The following NRG1 variants were observed in gnomAD, a reference collection of about 807,000 sequenced individuals.
The protein encoded by NRG1 is neuregulin 1, also known as pro-neuregulin-1, membrane-bound isoform.
A neutral mutation model predicts 63.8 loss-of-function variants in NRG1; 18 were observed. The observed-to-expected ratio is 0.28, with a 90% CI of 0.19 to 0.42. NRG1 has a LOEUF of 0.42. NRG1 is among the 10% of genes least tolerant of loss of function. The pLI, the probability that NRG1 is intolerant of heterozygous loss-of-function variation, is 1.00. For missense variants in NRG1, 762 were observed against 814.7 expected (o/e 0.94, Z 0.79); for synonymous variants, 302 against 301.3 (o/e 1.00, Z -0.02).
At chr8:32,433,417 G>A (rs116647097) in intron 1 of NRG1, among the ~76,000 whole-genome samples, 228 of 152,184 alleles carry the variant, frequency 1.5e-3, no homozygotes, top group African/African-American at 4.8e-3. Context: ...ATTAGAAACC[G>A]AGCTAATTGT....
At chr8:31,934,928 A>G (rs1370448544) in intron 1 of NRG1, among the ~76,000 whole-genome samples, 2 of 152,110 alleles carry the variant, frequency 1.3e-5, no homozygotes, top group African/African-American at 4.8e-5. Context: ...TATCTTGACA[A>G]GGTAGCACAG....
intron 1 of NRG1, among the ~76,000 whole-genome samples, chr8:32,504,092 T>C (rs1465025525): frequency 6.6e-6 from 1 of 152,208 alleles, no homozygotes; most frequent in Non-Finnish European, 1.5e-5. Context: ...ATTTTGCCTT[T>C]TAGTGCCATG....
At chr8:32,526,736 C>A (rs139765867) in intron 1 of NRG1, among the ~76,000 whole-genome samples, 49 of 152,302 alleles carry the variant, frequency 3.2e-4, no homozygotes, top group African/African-American at 1.1e-3. Context: ...AACAAACAAC[C>A]AGTAGCAACT....
At chr8:32,429,153 G>A (rs767265621) in intron 1 of NRG1, among the ~76,000 whole-genome samples, 17 of 151,922 alleles carry the variant, frequency 1.1e-4, no homozygotes, top group Non-Finnish European at 1.8e-4. Flanking sequence ...TCAACTAAAC[G>A]AACAGGCTGT....
intron 1 of NRG1, among the ~76,000 whole-genome samples, chr8:32,077,067 C>T (rs1826677300): frequency 6.6e-6 from 1 of 152,016 alleles, no homozygotes; most frequent in Admixed American, 6.6e-5. Flanking sequence ...AACACTCTCT[C>T]TTTTAAAAAA....
intron 5 of NRG1, among the ~76,000 whole-genome samples, chr8:32,682,714 T>A (rs1265404046): frequency 6.6e-6 from 1 of 152,172 alleles, no homozygotes; most frequent in Non-Finnish European, 1.5e-5. Context: ...ATGGTAAGGC[T>A]TCTAGAAATG....
At chr8:32,512,199 C>A (rs889305825) in intron 1 of NRG1, among the ~76,000 whole-genome samples, 2 of 152,096 alleles carry the variant, frequency 1.3e-5, no homozygotes, top group African/African-American at 4.8e-5. Context: ...GACATTTCTG[C>A]TTAGATACTA....
At chr8:32,094,417 G>T (rs573297914) in intron 1 of NRG1, among the ~76,000 whole-genome samples, 8 of 152,230 alleles carry the variant, frequency 5.3e-5, no homozygotes, top group African/African-American at 1.9e-4. Flanking sequence ...GCCCAGCATG[G>T]CACCTTATTT....
chr8:32,281,487 T>C (rs961290337), intron 1 of NRG1, among the ~76,000 whole-genome samples: 36 of 152,058 alleles, frequency 2.4e-4, no homozygotes, highest in Admixed American at 1.0e-3. Flanking sequence ...TGGTAGTTTT[T>C]CTTCCTCATC....
chr8:32,438,402 C>A (rs1819058206), intron 1 of NRG1, among the ~76,000 whole-genome samples: 1 of 152,076 alleles, frequency 6.6e-6, no homozygotes, highest in Non-Finnish European at 1.5e-5. Context: ...CATAGTATTT[C>A]ATGCTAGGGA....
intron 5 of NRG1, among the ~76,000 whole-genome samples, chr8:32,638,783 T>G (rs1175292830): frequency 6.6e-6 from 1 of 152,204 alleles, no homozygotes; most frequent in Non-Finnish European, 1.5e-5. Flanking sequence ...TGTAACAATT[T>G]TCTGTAAACA....
At chr8:32,503,379 A>AT (rs1828119912) in intron 1 of NRG1, among the ~76,000 whole-genome samples, 1 of 151,686 alleles carries the variant, frequency 6.6e-6, no homozygotes, top group African/African-American at 2.4e-5. Context: ...TTTCTTTGAA[A>AT]TTATCTACCT....
chr8:31,696,825 T>C (rs1487371286), intron 1 of NRG1, among the ~76,000 whole-genome samples: 1 of 152,184 alleles, frequency 6.6e-6, no homozygotes, highest in Non-Finnish European at 1.5e-5. Context: ...GGTCCTTTCA[T>C]TATTCTACAC....
chr8:32,351,609 C>T (rs1805613748), intron 1 of NRG1, among the ~76,000 whole-genome samples: 1 of 152,130 alleles, frequency 6.6e-6, no homozygotes, highest in South Asian at 2.1e-4. Flanking sequence ...TGTGTGCCTT[C>T]CAGCGTCCAT....
intron 1 of NRG1, among the ~76,000 whole-genome samples, chr8:32,500,930 G>C (rs1352102369): frequency 6.6e-6 from 1 of 152,134 alleles, no homozygotes. Flanking sequence ...GAATCCATCA[G>C]CTTCTCCATT....
chr8:31,888,972 T>G (rs1830936826), intron 1 of NRG1, among the ~76,000 whole-genome samples: 1 of 152,172 alleles, frequency 6.6e-6, no homozygotes, highest in Non-Finnish European at 1.5e-5. Context: ...AAGCATTGTG[T>G]GTTATTCCAT....
intron 1 of NRG1, among the ~76,000 whole-genome samples, chr8:32,194,379 G>C (rs1395115453): frequency 1.3e-5 from 2 of 152,156 alleles, no homozygotes; most frequent in East Asian, 3.9e-4. Context: ...GGAAAACTCA[G>C]AGTTTAAACA....
chr8:32,026,697 G>A (rs1817432362), intron 1 of NRG1, among the ~76,000 whole-genome samples: 1 of 151,942 alleles, frequency 6.6e-6, no homozygotes, highest in African/African-American at 2.4e-5. Context: ...AGAAATTGAG[G>A]GTTTGTTTTG....
intron 1 of NRG1, among the ~76,000 whole-genome samples, chr8:31,746,049 G>C (rs1402964482): frequency 1.3e-5 from 2 of 151,716 alleles, no homozygotes; most frequent in Non-Finnish European, 2.9e-5. Context: ...TGACAAATCA[G>C]AATCAAGCGT....
Sources: allele counts gnomAD v4.1 joint callset (sites outside exome capture counted in the v4.1 genomes callset), GRCh38; gene constraint gnomAD v4.1.1; transcripts MANE v1.5; gene names NCBI Gene and HGNC (gene_info 2026-07-23, HGNC 2026-07-21).